Variants in SPCS2 observed in about 807,000 individuals in gnomAD.
SPCS2 encodes signal peptidase complex subunit 2.
Under a neutral mutation model 22.3 loss-of-function variants are expected in SPCS2, and 3 were observed. That is an observed-to-expected ratio of 0.13 (90% CI 0.06 to 0.35). SPCS2 has a LOEUF of 0.35. Among genes scored for constraint, SPCS2 ranks in the 10% least tolerant of loss-of-function variants. The probability of loss-of-function intolerance (pLI) is 1.00; values close to 1 mark genes in which losing one functional copy is unlikely to be tolerated. For missense variants in SPCS2, 169 were observed against 280.9 expected (o/e 0.60, Z 2.85); for synonymous variants, 67 against 97.2 (o/e 0.69, Z 1.83).
At chr11:74,962,164 A>G (rs572986376) in intron 1 of SPCS2, among the ~76,000 whole-genome samples, 3 of 152,360 alleles carry the variant, frequency 2.0e-5, no homozygotes, top group African/African-American at 7.2e-5. Flanking sequence ...TGTAAGGGAT[A>G]TCATCTTGAA....
intron 4 of SPCS2, among the ~76,000 whole-genome samples, chr11:74,972,708 A>G (rs1244575783): frequency 2.7e-5 from 4 of 149,402 alleles, no homozygotes; most frequent in African/African-American, 7.3e-5. Context: ...ATCTCTATGA[A>G]CATTCCCTTC....
intron 1 of SPCS2, among the ~76,000 whole-genome samples, chr11:74,953,813 A>G (rs998308153): frequency 2.6e-5 from 4 of 152,220 alleles, no homozygotes; most frequent in African/African-American, 4.8e-5. Flanking sequence ...TGGCAGTTAT[A>G]AAGAAAAGCT....
At chr11:74,974,578 C>G (rs2140221979) in intron 4 of SPCS2, among the ~76,000 whole-genome samples, 1 of 152,290 alleles carries the variant, frequency 6.6e-6, no homozygotes, top group South Asian at 2.1e-4. Context: ...CCACAGCTAC[C>G]ATCCTCTCTC....
chr11:74,953,148 T>C (rs1188736062), intron 1 of SPCS2, among the ~76,000 whole-genome samples: 1 of 152,034 alleles, frequency 6.6e-6, no homozygotes, highest in African/African-American at 2.4e-5. Context: ...TTATTCTCAG[T>C]GGAGCAGGAT....
At chr11:74,952,547 C>T (rs2140212863) in intron 1 of SPCS2, among the ~76,000 whole-genome samples, 1 of 152,182 alleles carries the variant, frequency 6.6e-6, no homozygotes, top group Non-Finnish European at 1.5e-5. Flanking sequence ...GAACTCCTGG[C>T]CTCAAGTGAT....
intron 4 of SPCS2, among the ~76,000 whole-genome samples, chr11:74,971,261 A>G: frequency 6.6e-6 from 1 of 152,178 alleles, no homozygotes; most frequent in Admixed American, 6.5e-5. Flanking sequence ...TTGTTGACAG[A>G]CATTTGGGTT....
chr11:74,972,934 A>C (rs1591742408), intron 4 of SPCS2, among the ~76,000 whole-genome samples: 1 of 151,122 alleles, frequency 6.6e-6, no homozygotes, highest in African/African-American at 2.4e-5. Flanking sequence ...ATTTTCCCCA[A>C]GGGATATATC....
intron 3 of SPCS2, among the ~76,000 whole-genome samples, 196 bp downstream of exon 3, chr11:74,966,119 G>A (rs1948543912): frequency 6.6e-6 from 1 of 152,096 alleles, no homozygotes; most frequent in African/African-American, 2.4e-5. Flanking sequence ...TTTATGTTTT[G>A]TATGGTTATT....
intron 4 of SPCS2, 116 bp downstream of exon 4, chr11:74,969,815 T>C (rs1948570265): frequency 1.4e-5 from 17 of 1,242,652 alleles, no homozygotes; most frequent in Non-Finnish European, 2.0e-5. Flanking sequence ...GGGCTAGTCA[T>C]ATAAAATGAA....
intron 1 of SPCS2, among the ~76,000 whole-genome samples, chr11:74,955,851 A>ACTATATATATATATATATATAT (rs1948474849): frequency 1.8e-5 from 1 of 55,594 alleles, no homozygotes; most frequent in East Asian, 8.5e-4. Context: ...TACTAATTAA[A>ACTATATATATATATATATATAT]ATATATATAT....
Position 74,978,615 on chromosome 11 carries a change from C to T in SPCS2, c.*1572C>T, listed in dbSNP as rs1371598530. 6.6e-6 allele frequency: 1 copy of T among 152,226 alleles called. No individual in the cohort carries two copies. The highest frequency in any genetic ancestry group is 2.4e-5 in the African/African-American group (1 of 41,456). The allele number at this position is 152,226 out of a possible 1,614,324, so 9.4% of individuals were successfully genotyped here. A position where few individuals can be genotyped will look rare whatever the true frequency, so the allele number is the denominator to read the frequency against. ...TAACCTACACACATCCTCCCATATA[C>T]TTTTAATCACCTCTGGATTACCTAT... On this transcript the variant is annotated 3_prime_UTR_variant, in exon 5 of 5. Transcript: ENST00000263672.
intron 1 of SPCS2, among the ~76,000 whole-genome samples, chr11:74,960,754 A>G (rs1039471826): frequency 9.9e-5 from 15 of 152,122 alleles, no homozygotes; most frequent in African/African-American, 3.6e-4. Context: ...TGTTATCTGT[A>G]AAAGGAGGAT....
At chr11:74,950,380 C>CT (rs921812203) in intron 1 of SPCS2, among the ~76,000 whole-genome samples, 2 of 152,248 alleles carry the variant, frequency 1.3e-5, no homozygotes, top group African/African-American at 4.8e-5. Flanking sequence ...AGCATGGTGT[C>CT]TTTAATATAG....
At chr11:74,955,849 A>AT (rs1214195302) in intron 1 of SPCS2, among the ~76,000 whole-genome samples, 1 of 36,214 alleles carries the variant, frequency 2.8e-5, no homozygotes, top group African/African-American at 7.6e-5. Context: ...ATTACTAATT[A>AT]AAATATATAT....
In SPCS2 at chr11:74,949,398, A is replaced by G; in HGVS notation, c.113A>G (p.Lys38Arg). 1 of 1,551,024 alleles carries G rather than the reference A, an allele frequency of 6.4e-7. No homozygotes were observed. The highest frequency in any genetic ancestry group is 8.7e-7 in the Non-Finnish European group (1 of 1,146,596). The change falls in exon 1 of 5, where the codon AAG (lysine) becomes AGG (arginine). Residue 38 changes from lysine to arginine, a missense_variant and splice_region_variant. By Grantham distance (26) the Lys-to-Arg change is conservative. Coordinates refer to ENST00000263672, the MANE Select transcript of SPCS2 (RefSeq NM_014752.3). ...AGTGGCCGTAGCGGCTTGTTGGATA[A>G]GGTGAGGAGCCGGTTCTTGGGAACA... is the stretch of plus-strand genomic sequence containing the variant. The part of the protein sequence containing the change: ...TGSGRSGLLD[K>R]WKIDDKPVKI...
chr11:74,949,341 G>T lies in SPCS2; in HGVS notation c.56G>T (p.Gly19Val). ...AGCGGTGGTAGCGGAGGCTGTAGTG[G>T]GGCTGGTGGTGCTTCCAACTGCGGG... ...GRSGGSGGCS[G>V]AGGASNCGTG... Residue 19 changes from glycine to valine, a missense_variant, in exon 1 of 5, where the codon GGG (glycine) becomes GTG (valine). Around this residue, in one of 2 missense-constraint regions of SPCS2, gnomAD observed 51 missense variants for 37.8 expected, o/e 1.35. Coordinates refer to ENST00000263672, the MANE Select transcript of SPCS2 (RefSeq NM_014752.3). The T allele has an allele frequency of 6.4e-7, 1 of 1,551,438 alleles. No homozygotes were observed. The highest frequency in any genetic ancestry group is 8.7e-7 in the Non-Finnish European group (1 of 1,146,918).
Position 74,962,536 on chromosome 11 carries a change from A to G in SPCS2, c.115-2498A>G, listed in dbSNP as rs1031499225. On this transcript the variant is annotated intron_variant, in intron 1 of 4. Coordinates refer to ENST00000263672, the MANE Select transcript of SPCS2 (RefSeq NM_014752.3). ...CAATTTGCAATTAGTGTTGAGGAAGACAAAATTGAGGCAAAAAAAAAAAAA... is the reference window on the plus strand; with the variant it reads ...CAATTTGCAATTAGTGTTGAGGAAGGCAAAATTGAGGCAAAAAAAAAAAAA... 2.8e-5 allele frequency among the ~76,000 whole-genome samples: 4 copies of G among 143,388 alleles called. No homozygotes were observed. In the South Asian group the frequency reaches 9.3e-4, roughly 33 times the overall value. The allele number at this position is 143,388 out of a possible 152,430, so 94.1% of individuals were successfully genotyped here.
At chr11:74,963,668 C>G (rs898963075) in intron 1 of SPCS2, 1 of 422,136 alleles carries the variant, frequency 2.4e-6, no homozygotes, top group East Asian at 7.7e-5. Context: ...CCTCAGCCTC[C>G]CAAGTATCTG....
At chr11:74,951,171 A>C (rs1392673096) in intron 1 of SPCS2, among the ~76,000 whole-genome samples, 1 of 152,240 alleles carries the variant, frequency 6.6e-6, no homozygotes, top group Non-Finnish European at 1.5e-5. Flanking sequence ...TCAGCTTTGA[A>C]GTATTTCTGC....
Sources: allele counts gnomAD v4.1 joint callset (sites outside exome capture counted in the v4.1 genomes callset), GRCh38; gene constraint gnomAD v4.1.1; regional missense constraint gnomAD v4.1.1; transcripts MANE v1.5; gene names NCBI Gene and HGNC (gene_info 2026-07-23, HGNC 2026-07-21).